Variants in DEFB110 observed in about 807,000 individuals in gnomAD.
The protein encoded by DEFB110 is beta-defensin 110.
Under a neutral mutation model 2.5 loss-of-function variants are expected in DEFB110, and 4 were observed. The observed-to-expected ratio is 1.60, with a 90% CI of 0.79 to 3.66. The LOEUF (loss-of-function observed/expected upper bound fraction) is 3.66, where lower values mean the gene tolerates loss of function less well. Among genes scored for constraint, DEFB110 ranks in the 30% most tolerant of loss-of-function variants. The pLI is 0.01. For missense variants in DEFB110, 94 were observed against 75.4 expected (o/e 1.25, Z -0.91); for synonymous variants, 29 against 21.8 (o/e 1.33, Z -0.92).
downstream of DEFB110, among the ~76,000 whole-genome samples, chr6:50,013,881 ATTTT>A (rs1774272509): frequency 6.6e-6 from 1 of 151,856 alleles, no homozygotes; most frequent in South Asian, 2.1e-4. Flanking sequence ...CATGGAACAG[ATTTT>A]AGCCCTTGCG....
intron 1 of DEFB110, among the ~76,000 whole-genome samples, chr6:50,011,944 A>G (rs1774235580): frequency 6.6e-6 from 1 of 152,008 alleles, no homozygotes; most frequent in Non-Finnish European, 1.5e-5. Flanking sequence ...TGGATATTTT[A>G]TTTGTCATTT....
At chr6:50,017,811 G>A (rs751779831), downstream of DEFB110, among the ~76,000 whole-genome samples, 1 of 151,584 alleles carries the variant, frequency 6.6e-6, no homozygotes, top group Non-Finnish European at 1.5e-5. Flanking sequence ...CCACAGAGAG[G>A]CCATAATAAA....
intron 1 of DEFB110, chr6:50,009,309 T>C (rs1774188064): frequency 6.4e-7 from 1 of 1,553,402 alleles, no homozygotes; most frequent in East Asian, 2.3e-5. Flanking sequence ...ATTAGTCTAT[T>C]ATTGATTTGT....
chr6:50,016,395 T>G (rs1413027017), downstream of DEFB110, among the ~76,000 whole-genome samples: 1 of 151,820 alleles, frequency 6.6e-6, no homozygotes, highest in Non-Finnish European at 1.5e-5. Context: ...TCATGAAAAT[T>G]TATATTGTGG....
downstream of DEFB110, among the ~76,000 whole-genome samples, chr6:50,017,734 T>G (rs1774341341): frequency 6.6e-6 from 1 of 151,900 alleles, no homozygotes; most frequent in Non-Finnish European, 1.5e-5. Context: ...ATTCATGGCT[T>G]GTTGTAGATA....
intron 1 of DEFB110, among the ~76,000 whole-genome samples, chr6:50,019,414 G>C (rs1219505369): frequency 1.3e-5 from 2 of 151,998 alleles, no homozygotes; most frequent in African/African-American, 2.4e-5. Context: ...TTTATCTTTT[G>C]GTCAGACTCT....
In DEFB110 at chr6:50,021,080, C is replaced by G. The variant is rs115471297; in HGVS notation, c.55+801G>C. ...CTACATGTGTTCTCCAGTTTGTGTC[C>G]TTGGATTGCTAATCTCCTTTGCAAG... On this transcript the variant is annotated intron_variant, in intron 1 of 1. Transcript: ENST00000371148. Among the ~76,000 whole-genome samples, 1,047 of 152,112 alleles carry G rather than the reference C, an allele frequency of 6.9e-3. 20 individuals carry two copies. The highest frequency in any genetic ancestry group is 0.023 in the African/African-American group (970 of 41,490).
exon 2 of DEFB110, chr6:50,009,169 C>T (rs769929424): frequency 1.2e-6 from 2 of 1,610,788 alleles, no homozygotes; most frequent in Non-Finnish European, 8.5e-7. Flanking sequence ...CCATTTAATG[C>T]AGTATCCATA....
intron 1 of DEFB110, among the ~76,000 whole-genome samples, chr6:50,019,477 A>G (rs1022999939): frequency 1.3e-5 from 2 of 152,032 alleles, no homozygotes; most frequent in African/African-American, 2.4e-5. Flanking sequence ...GCTCTCACTA[A>G]CATTATTTAG....
chr6:50,017,107 A>C (rs565318253), downstream of DEFB110, among the ~76,000 whole-genome samples: 9 of 151,950 alleles, frequency 5.9e-5, no homozygotes, highest in African/African-American at 2.2e-4. Context: ...AAAATAAATA[A>C]AAATCAAACT....
intron 1 of DEFB110, among the ~76,000 whole-genome samples, chr6:50,020,121 A>T (rs1251713781): frequency 6.6e-6 from 1 of 152,102 alleles, no homozygotes; most frequent in African/African-American, 2.4e-5. Flanking sequence ...TGTCCAGGAG[A>T]GCAAAACTGC....
intron 1 of DEFB110, among the ~76,000 whole-genome samples, 163 bp from the exon 2 acceptor site, chr6:50,019,288 C>T (rs1774376842): frequency 6.6e-6 from 1 of 152,028 alleles, no homozygotes; most frequent in South Asian, 2.1e-4. Context: ...AAGCTACATT[C>T]TAGAAATAAA....
downstream of DEFB110, among the ~76,000 whole-genome samples, chr6:50,016,620 C>T (rs1394705246): frequency 6.6e-6 from 1 of 151,512 alleles, no homozygotes; most frequent in Non-Finnish European, 1.5e-5. Context: ...TAATTAGTAA[C>T]ACCTTTATCT....
intron 1 of DEFB110, among the ~76,000 whole-genome samples, chr6:50,013,143 G>T (rs999679379): frequency 2.5e-4 from 38 of 151,734 alleles, no homozygotes; most frequent in Non-Finnish European, 2.8e-4. Flanking sequence ...CATACATAAA[G>T]ATAGTTGAAT....
In DEFB110 at chr6:50,018,960, C is replaced by A; in HGVS notation, c.*17G>T. The A allele has an allele frequency of 1.9e-6, 3 of 1,602,746 alleles. No individual in the cohort carries two copies. The highest frequency in any genetic ancestry group is 2.6e-6 in the Non-Finnish European group (3 of 1,175,570). On this transcript the variant is annotated 3_prime_UTR_variant, in exon 2 of 2. Coordinates refer to ENST00000371148, the MANE Select transcript of DEFB110 (RefSeq NM_001037497.2). ...GTCTCTCTTCTTGGAGCTTGTGACT[C>A]TTTTCTTCTGTCATCGTTACTGCTG...
chr6:50,020,214 G>T lies in DEFB110; in HGVS notation c.56-1089C>A, dbSNP rs566116878. On this transcript the variant is annotated intron_variant, in intron 1 of 1. Coordinates refer to ENST00000371148, the MANE Select transcript of DEFB110 (RefSeq NM_001037497.2). ...TGTAATAGTCAAAGCTGTAAGAAAA[G>T]ATATGTTTTTTTTTTAGCTTAAAGA... is the stretch of plus-strand genomic sequence containing the variant. Among the ~76,000 whole-genome samples, 34 of 151,996 alleles carry T rather than the reference G, an allele frequency of 2.2e-4. No individual in the cohort carries two copies. In the East Asian group the frequency reaches 4.4e-3, roughly 20 times the overall value.
At chr6:50,011,244 G>T (rs1213394065) in intron 1 of DEFB110, among the ~76,000 whole-genome samples, 1 of 151,734 alleles carries the variant, frequency 6.6e-6, no homozygotes. Context: ...CTATACAAAT[G>T]TCATCCATAA....
At chr6:50,020,556 C>G (rs966869278) in intron 1 of DEFB110, among the ~76,000 whole-genome samples, 4 of 152,040 alleles carry the variant, frequency 2.6e-5, no homozygotes, top group African/African-American at 9.7e-5. Flanking sequence ...GCTTGGTCTT[C>G]TCAAAGGCCA....
intron 1 of DEFB110, chr6:50,009,344 A>T: frequency 1.4e-6 from 2 of 1,473,900 alleles, no homozygotes; most frequent in Non-Finnish European, 1.8e-6. Flanking sequence ...AAGAAAGACA[A>T]AAACTGTTCC....
Sources: gnomAD v4.1 joint callset for allele counts (sites outside exome capture counted in the v4.1 genomes callset) on GRCh38, gnomAD v4.1.1 for gene constraint, MANE v1.5 for transcripts, NCBI Gene and HGNC (gene_info 2026-07-23, HGNC 2026-07-21) for gene names.